NDUFB5: variants seen among roughly 807,000 people sequenced by gnomAD.
NDUFB5 encodes NADH:ubiquinone oxidoreductase subunit B5.
NDUFB5 carries 19 observed loss-of-function variants against 19.4 expected under a neutral mutation model. The ratio of observed to expected loss-of-function variants is 0.98; its 90% CI spans 0.68 to 1.43. The LOEUF (loss-of-function observed/expected upper bound fraction) is 1.43, where lower values mean the gene tolerates loss of function less well. NDUFB5 is among the 40% of genes most tolerant of loss of function. The probability of loss-of-function intolerance (pLI) is 0.00; values close to 1 mark genes in which losing one functional copy is unlikely to be tolerated. For synonymous variants in NDUFB5, 80 were observed against 82.6 expected, an observed-to-expected ratio of 0.97 and a Z score of 0.17; for missense variants, 233 against 236.5, an observed-to-expected ratio of 0.99 and a Z score of 0.10.
chr3:179,613,339 A>AC (rs1327718288), intron 1 of NDUFB5, among the ~76,000 whole-genome samples: 2 of 150,710 alleles, frequency 1.3e-5, no homozygotes, highest in East Asian at 2.0e-4. Context: ...CCTCTTCCCA[A>AC]CCCCCCCATC....
chr3:179,624,032 G>A lies in NDUFB5; in HGVS notation c.562G>A (p.Asp188Asn). 1 of 1,613,028 alleles carries A rather than the reference G, an allele frequency of 6.2e-7. No individual in the cohort carries two copies. Among genetic ancestry groups the A allele is most frequent in the Non-Finnish European group, 8.5e-7 (1 of 1,179,358 alleles). ...LIDHSPKATP[D>N]N ...TGATCATTCTCCGAAAGCAACTCCT[G>A]ACAATTAAGCATTTTTTTCTCCAAA... is the stretch of plus-strand genomic sequence containing the variant. The change falls in exon 6 of 6, where the codon GAC (aspartate) becomes AAC (asparagine). Residue 188 changes from aspartate (D) to asparagine (N), a missense_variant. Asp to Asn is a conservative substitution (Grantham distance 23). Transcript: ENST00000259037.
intron 1 of NDUFB5, among the ~76,000 whole-genome samples, chr3:179,605,975 A>G (rs546121259): frequency 6.6e-6 from 1 of 152,240 alleles, no homozygotes; most frequent in East Asian, 1.9e-4. Flanking sequence ...TATATTTAGT[A>G]GAGATGGGGT....
intron 2 of NDUFB5, chr3:179,615,464 A>T: frequency 3.1e-6 from 1 of 324,318 alleles, no homozygotes; most frequent in Middle Eastern, 4.0e-4. Context: ...CATTTATTTC[A>T]GAGAGTAACA....
At chr3:179,618,649 CCAGATG>C (rs1719447216) in intron 5 of NDUFB5, 128 bp downstream of exon 5, 1 of 654,386 alleles carries the variant, frequency 1.5e-6, no homozygotes, top group Admixed American at 3.2e-5. Context: ...AAAGATACGT[CCAGATG>C]CAGTGGCTCA....
Position 179,624,588 on chromosome 3 carries a change from C to CACACACACACAA in NDUFB5, c.*559_*560insAACACACACACA, listed in dbSNP as rs1719624113. ...ACAGACACGTACACACACACACACA[C>CACACACACACAA]ACACACACACACACACGCTCTTTTC... On this transcript the variant is annotated 3_prime_UTR_variant, in exon 6 of 6. Coordinates refer to ENST00000259037, the MANE Select transcript of NDUFB5 (RefSeq NM_002492.4). 6.6e-6 allele frequency: 1 copy of CACACACACACAA among 151,296 alleles called. No individual in the cohort carries two copies. The highest frequency in any genetic ancestry group is 2.1e-4 in the South Asian group (1 of 4,770). The allele number at this position is 151,296 out of a possible 1,614,324, so 9.4% of individuals were successfully genotyped here.
intron 1 of NDUFB5, among the ~76,000 whole-genome samples, chr3:179,609,537 G>A (rs776360341): frequency 6.6e-6 from 1 of 152,200 alleles, no homozygotes; most frequent in Non-Finnish European, 1.5e-5. Context: ...TGTTGTGCCT[G>A]TGGGTTGCCT....
intron 1 of NDUFB5, among the ~76,000 whole-genome samples, 173 bp downstream of exon 1, chr3:179,605,112 AGATAGATC>A (rs1719047181): frequency 4.6e-5 from 7 of 151,908 alleles, no homozygotes; most frequent in Admixed American, 4.6e-4. Flanking sequence ...TGAAGTAGCC[AGATAGATC>A]GTGTTTACAT....
At chr3:179,606,023 C>T (rs1719087416) in intron 1 of NDUFB5, among the ~76,000 whole-genome samples, 1 of 152,120 alleles carries the variant, frequency 6.6e-6, no homozygotes, top group South Asian at 2.1e-4. Context: ...AACTCCTCAC[C>T]TCAAATGATC....
chr3:179,618,283 T>G, intron 4 of NDUFB5, 132 bp from the exon 5 acceptor site: 1 of 541,996 alleles, frequency 1.8e-6, no homozygotes, highest in South Asian at 2.6e-5. Flanking sequence ...TTATTTTATA[T>G]ATAGGTATAT....
intron 4 of NDUFB5, chr3:179,617,284 T>C: frequency 3.5e-6 from 1 of 282,380 alleles, no homozygotes; most frequent in East Asian, 8.3e-5. Flanking sequence ...ATCACAGGTG[T>C]GTGCTGCCAC....
chr3:179,615,253 T>C (rs2108398012), intron 2 of NDUFB5, 194 bp downstream of exon 2: 1 of 371,208 alleles, frequency 2.7e-6, no homozygotes, highest in East Asian at 4.6e-5. Context: ...GCTTTCCTTC[T>C]TCACAAAAGG....
chr3:179,616,993 A>G lies in NDUFB5; in HGVS notation c.291A>G (p.Glu97=), dbSNP rs11539668. ...ATTTTTTCTTATTAGGTCAAGCTGA[A>G]CTAGCAGAAATTCCAGAAGGCTATG... ...TLVNVFIGQA[E]LAEIPEGYVP... The change falls in exon 4 of 6, where the codon GAA becomes GAG. Residue 97 remains glutamate, a synonymous_variant. Transcript: ENST00000259037. 6.2e-7 allele frequency: 1 copy of G among 1,612,362 alleles called. No homozygotes were observed. The highest frequency in any genetic ancestry group is 8.5e-7 in the Non-Finnish European group (1 of 1,178,700).
At chr3:179,616,520 C>A (rs1206109980) in intron 3 of NDUFB5, among the ~76,000 whole-genome samples, 3 of 151,788 alleles carry the variant, frequency 2.0e-5, no homozygotes, top group East Asian at 3.9e-4. Context: ...CCAGCCCGGG[C>A]AACAGAGTGA....
rs966331695 is a variant in NDUFB5 at position 179,624,612 on chromosome 3, T to C, written c.*572T>C. ...ACACACACACACACACACGCTCTTT[T>C]CCTAGATGCAATCTCTGGGATCCCT... On this transcript the variant is annotated 3_prime_UTR_variant, in exon 6 of 6. Transcript: ENST00000259037. The C allele has an allele frequency of 3.4e-5, 2 of 58,100 alleles. No homozygotes were observed. The highest frequency in any genetic ancestry group is 6.7e-5 in the Non-Finnish European group (2 of 29,634). 3.6% of individuals were successfully genotyped at this position (58,100 alleles called of 1,614,324 possible). A position where few individuals can be genotyped will look rare whatever the true frequency, so the allele number is the denominator to read the frequency against.
chr3:179,608,498 A>G (rs1719161240), intron 1 of NDUFB5, among the ~76,000 whole-genome samples: 1 of 152,026 alleles, frequency 6.6e-6, no homozygotes, highest in Admixed American at 6.6e-5. Flanking sequence ...CTGCCAGAAG[A>G]GAGTTTTTAT....
chr3:179,621,635 G>A (rs6798426), intron 5 of NDUFB5, among the ~76,000 whole-genome samples: 1,814 of 151,166 alleles, frequency 0.012, 36 homozygotes, highest in African/African-American at 0.042. Flanking sequence ...GATTACAGGC[G>A]CCCGCCACCA....
In NDUFB5 at chr3:179,624,859, T is replaced by C. The variant is rs2339846; in HGVS notation, c.*819T>C. On this transcript the variant is annotated 3_prime_UTR_variant, in exon 6 of 6. Transcript: ENST00000259037. ...TCACCCAGGCTAGAGTGCAGTGCCGTGATCTCGGCTGCAACCTCCGCCTCC... is the reference window on the plus strand; with the variant it reads ...TCACCCAGGCTAGAGTGCAGTGCCGCGATCTCGGCTGCAACCTCCGCCTCC... 106,840 of 147,670 alleles carry C rather than the reference T, an allele frequency of 0.72. 39,222 individuals carry two copies. The highest frequency in any genetic ancestry group is 0.92 in the East Asian group (4,659 of 5,066). 9.1% of individuals were successfully genotyped at this position (147,670 alleles called of 1,614,324 possible). A position where few individuals can be genotyped will look rare whatever the true frequency, so the allele number is the denominator to read the frequency against.
At chr3:179,614,869 A>G (rs1412191645) in intron 1 of NDUFB5, 102 bp from the exon 2 acceptor site, 1 of 814,804 alleles carries the variant, frequency 1.2e-6, no homozygotes, top group Non-Finnish European at 1.9e-6. Flanking sequence ...CTTATGAGCT[A>G]CAAAAGGATC....
rs1259828669 is a variant in NDUFB5 at position 179,626,067 on chromosome 3, C to G, written c.*2027C>G. 6.6e-6 allele frequency: 1 copy of G among 152,058 alleles called. No individual in the cohort carries two copies. Among genetic ancestry groups the G allele is most frequent in the Non-Finnish European group, 1.5e-5 (1 of 67,998 alleles). 9.4% of individuals were successfully genotyped at this position (152,058 alleles called of 1,614,324 possible). A position where few individuals can be genotyped will look rare whatever the true frequency, so the allele number is the denominator to read the frequency against. ...TCCTACCAATGGTGGATGAGCGTTC[C>G]CCTTTCTCCACATCCTCACAAGCAT... On this transcript the variant is annotated 3_prime_UTR_variant, in exon 6 of 6. Transcript: ENST00000259037.
Sources: allele counts gnomAD v4.1 joint callset (sites outside exome capture counted in the v4.1 genomes callset), GRCh38; gene constraint gnomAD v4.1.1; transcripts MANE v1.5; gene names NCBI Gene and HGNC (gene_info 2026-07-23, HGNC 2026-07-21).